ATP10A: variants seen among roughly 807,000 people sequenced by gnomAD.
The protein encoded by ATP10A is ATPase phospholipid transporting 10A (putative), also known as phospholipid-transporting ATPase VA.
ATP10A carries 111 observed loss-of-function variants against 147.8 expected under a neutral mutation model. That is an observed-to-expected ratio of 0.75 (90% confidence interval 0.64 to 0.88). The LOEUF (loss-of-function observed/expected upper bound fraction) is 0.88. Ranked by LOEUF, ATP10A falls within the 40% of genes least tolerant of loss-of-function variation. ATP10A has a pLI of 0.00. For missense variants in ATP10A, 1,927 were observed against 1,959.0 expected (o/e 0.98, Z 0.31); for synonymous variants, 875 against 841.6 (o/e 1.04, Z -0.69).
intron 2 of ATP10A, among the ~76,000 whole-genome samples, chr15:25,765,075 G>A (rs955336230): frequency 6.6e-6 from 1 of 152,182 alleles, no homozygotes; most frequent in African/African-American, 2.4e-5. Flanking sequence ...TTGAAGCCTA[G>A]ACTTTAAACA....
At chr15:25,861,877 G>A in intron 1 of ATP10A, 1 of 173,290 alleles carries the variant, frequency 5.8e-6, no homozygotes, top group South Asian at 1.2e-4. Context: ...AGAGCATAAA[G>A]GATGAAAAGG....
At chr15:25,864,468 G>A (rs1377906985), upstream of ATP10A, among the ~76,000 whole-genome samples, 1 of 152,096 alleles carries the variant, frequency 6.6e-6, no homozygotes, top group South Asian at 2.1e-4. Context: ...TCACGTCTTC[G>A]CCAGGACCCT....
chr15:25,701,930 T>G lies in ATP10A; in HGVS notation c.2746A>C (p.Asn916His). The G allele has an allele frequency of 5.0e-6, 8 of 1,605,582 alleles. No individual in the cohort carries two copies. The highest frequency in any genetic ancestry group is 6.0e-6 in the Non-Finnish European group (7 of 1,175,254). The change falls in exon 13 of 21, where the codon AAT becomes CAT. Residue 916 changes from asparagine to histidine, a missense_variant. Coordinates refer to ENST00000555815, the MANE Select transcript of ATP10A (RefSeq NM_024490.4). ...AACCCACCTACCTGGGAGGTGGCAT[T>G]CAGGGTGATGACCTCCTCGTCGTGG... ...LDHDEEVITL[N>H]ATSQEACAAL...
At chr15:25,801,701 G>A (rs1890948063) in intron 1 of ATP10A, among the ~76,000 whole-genome samples, 1 of 152,192 alleles carries the variant, frequency 6.6e-6, no homozygotes, top group African/African-American at 2.4e-5. Context: ...TGACGCTGAT[G>A]TGTCTCTGAC....
chr15:25,690,294 AG>A (rs1274877290), intron 15 of ATP10A, among the ~76,000 whole-genome samples: 5 of 149,776 alleles, frequency 3.3e-5, no homozygotes, highest in Non-Finnish European at 7.4e-5. Flanking sequence ...CCCAAGCTTG[AG>A]TGCAGTGGTG....
In ATP10A at chr15:25,863,072, C is replaced by T. The variant is rs1893848446; in HGVS notation, c.25G>A (p.Glu9Lys). 1 of 1,214,740 alleles carries T rather than the reference C, an allele frequency of 8.2e-7. No homozygotes were observed. Among genetic ancestry groups the T allele is most frequent in the Non-Finnish European group, 1.0e-6 (1 of 979,076 alleles). 75.2% of individuals were successfully genotyped at this position (1,214,740 alleles called of 1,614,324 possible). ...CGCCGTCCCGGAGGCCCGGGCTCCT[C>T]GGTCCCCGCCGGCTCCCGCTCCATG... MEREPAGT[E>K]EPGPPGRRRR... is the part of the protein sequence containing the mutation. The change falls in exon 1 of 21, where the codon GAG (glutamate) becomes AAG (lysine). Residue 9 changes from glutamate (E) to lysine (K), a missense_variant. Coordinates refer to ENST00000555815, the MANE Select transcript of ATP10A (RefSeq NM_024490.4).
At chr15:25,790,932 C>T (rs762492515) in intron 1 of ATP10A, among the ~76,000 whole-genome samples, 3 of 152,040 alleles carry the variant, frequency 2.0e-5, no homozygotes, top group Non-Finnish European at 4.4e-5. Flanking sequence ...CGGAGTTGTG[C>T]GCTCCTTATT....
At chr15:25,812,389 T>C (rs1421740422) in intron 1 of ATP10A, among the ~76,000 whole-genome samples, 1 of 152,198 alleles carries the variant, frequency 6.6e-6, no homozygotes, top group Non-Finnish European at 1.5e-5. Context: ...TGTTCTATGG[T>C]TGCTACACAA....
At chr15:25,837,953 G>A (rs1179327926) in intron 1 of ATP10A, among the ~76,000 whole-genome samples, 3 of 152,238 alleles carry the variant, frequency 2.0e-5, no homozygotes, top group Non-Finnish European at 4.4e-5. Context: ...CAGTGTGGAG[G>A]ATGGAAGAGG....
chr15:25,798,650 G>A (rs944515356), intron 1 of ATP10A, among the ~76,000 whole-genome samples: 5 of 152,178 alleles, frequency 3.3e-5, no homozygotes, highest in East Asian at 1.9e-4. Flanking sequence ...GAGAAGGCAC[G>A]CTCTTTTCCT....
At chr15:25,807,934 T>C (rs1191556443) in intron 1 of ATP10A, among the ~76,000 whole-genome samples, 2 of 152,016 alleles carry the variant, frequency 1.3e-5, no homozygotes. Flanking sequence ...ACGATTTCTT[T>C]GAGGAAGACC....
At chr15:25,722,048 G>T (rs1902271780) in intron 6 of ATP10A, 139 bp from the exon 7 acceptor site, 1 of 961,486 alleles carries the variant, frequency 1.0e-6, no homozygotes, top group African/African-American at 1.6e-5. Context: ...AGCTTAAATA[G>T]GTTGGTTTAG....
chr15:25,682,685 C>A (rs1251553444), intron 17 of ATP10A, among the ~76,000 whole-genome samples: 2 of 152,224 alleles, frequency 1.3e-5, no homozygotes, highest in Admixed American at 6.5e-5. Flanking sequence ...GGGAACTGAA[C>A]ATTCTCAGAG....
chr15:25,689,242 T>C (rs1899874095), intron 15 of ATP10A, among the ~76,000 whole-genome samples: 1 of 152,248 alleles, frequency 6.6e-6, no homozygotes, highest in South Asian at 2.1e-4. Flanking sequence ...CCAGCTTTTC[T>C]GGGAATTCTA....
chr15:25,850,340 G>A (rs1340193618), intron 1 of ATP10A, among the ~76,000 whole-genome samples: 2 of 152,174 alleles, frequency 1.3e-5, no homozygotes, highest in Non-Finnish European at 2.9e-5. Context: ...ATGCTCCTGG[G>A]CCAAGGTGCA....
chr15:25,828,055 A>T (rs1193698392), intron 1 of ATP10A, among the ~76,000 whole-genome samples: 1 of 152,226 alleles, frequency 6.6e-6, no homozygotes, highest in African/African-American at 2.4e-5. Flanking sequence ...AGTACAAATC[A>T]AGAAAGACAT....
At chr15:25,845,086 G>T (rs1480202887) in intron 1 of ATP10A, among the ~76,000 whole-genome samples, 1 of 152,192 alleles carries the variant, frequency 6.6e-6, no homozygotes, top group Non-Finnish European at 1.5e-5. Context: ...GTGATGAGGT[G>T]GACACTCACC....
At chr15:25,672,854 A>G (rs889038743), downstream of ATP10A, among the ~76,000 whole-genome samples, 4 of 152,084 alleles carry the variant, frequency 2.6e-5, no homozygotes, top group Admixed American at 2.6e-4. Flanking sequence ...GGGTAGACCG[A>G]GGGTAAGGGA....
At chr15:25,818,013 CTTA>C (rs10601414) in intron 1 of ATP10A, among the ~76,000 whole-genome samples, 55,898 of 151,648 alleles carry the variant, frequency 0.37, 11,880 homozygotes, top group African/African-American at 0.59. Context: ...GTTATCAGAA[CTTA>C]TTAACATTGC....
Sources: gnomAD v4.1 joint callset for allele counts (sites outside exome capture counted in the v4.1 genomes callset) on GRCh38, gnomAD v4.1.1 for gene constraint, MANE v1.5 for transcripts, NCBI Gene and HGNC (gene_info 2026-07-23, HGNC 2026-07-21) for gene names.